The following SLC75A1 variants were observed in gnomAD, a reference collection of about 807,000 sequenced individuals.
SLC75A1 encodes the protein major facilitator superfamily domain containing 10.
chr4:2,933,856 C>T, the SLC75A1 span: 11 of 1,585,484 alleles, frequency 6.9e-6, no homozygotes, highest in Admixed American at 1.8e-4. Context: ...GGTGACCACG[C>T]GGCGCTCCGG....
the SLC75A1 span, chr4:2,931,012 G>A: frequency 6.2e-7 from 1 of 1,611,874 alleles, no homozygotes; most frequent in Non-Finnish European, 8.5e-7. Flanking sequence ...GGGAGGCGAG[G>A]GCAGGTGCTT....
the SLC75A1 span, chr4:2,932,320 T>TA: frequency 6.2e-7 from 1 of 1,602,034 alleles, no homozygotes; most frequent in Non-Finnish European, 8.5e-7. Flanking sequence ...CTCCAGCCCC[T>TA]AGGCCTGTGG....
At chr4:2,931,197 G>C in the SLC75A1 span, 1 of 1,559,252 alleles carries the variant, frequency 6.4e-7, no homozygotes, top group Non-Finnish European at 8.7e-7. Context: ...CTCCCGCTCA[G>C]GTGGCTTCGG....
At chr4:2,934,131 G>C in the SLC75A1 span, 1 of 614,334 alleles carries the variant, frequency 1.6e-6, no homozygotes, top group Non-Finnish European at 2.8e-6. Flanking sequence ...GGAAACGCAG[G>C]CTTCGGGGAT....
the SLC75A1 span, chr4:2,932,012 C>G: frequency 2.1e-5 from 33 of 1,606,574 alleles, no homozygotes; most frequent in Non-Finnish European, 2.6e-5. Context: ...CAGGGGAGAG[C>G]AGGCTCCACG....
the SLC75A1 span, chr4:2,931,249 C>T: frequency 6.4e-7 from 1 of 1,563,766 alleles, no homozygotes; most frequent in South Asian, 1.2e-5. Context: ...CCACGGAGGA[C>T]AGGCAGGGCA....
the SLC75A1 span, chr4:2,932,495 G>A: frequency 2.5e-6 from 4 of 1,613,698 alleles, no homozygotes; most frequent in Non-Finnish European, 3.4e-6. Context: ...CCAGTGAGAA[G>A]GCCACCCCAA....
the SLC75A1 span, chr4:2,932,679 C>A: frequency 3.1e-6 from 5 of 1,610,430 alleles, no homozygotes; most frequent in Non-Finnish European, 4.2e-6. Context: ...TTTGCTGATG[C>A]CCCCAATCAG....
chr4:2,933,331 G>C, the SLC75A1 span: 1 of 1,062,980 alleles, frequency 9.4e-7, no homozygotes, highest in South Asian at 1.5e-5. Context: ...TACACTCACA[G>C]GCCATGGCCC....
At chr4:2,931,862 G>GC in the SLC75A1 span, 1 of 1,610,128 alleles carries the variant, frequency 6.2e-7, no homozygotes. Context: ...AGGAAGCTCA[G>GC]CGTGTACTCC....
chr4:2,934,033 C>CA, the SLC75A1 span: 1 of 1,220,112 alleles, frequency 8.2e-7, no homozygotes. Flanking sequence ...GGCGAGCACC[C>CA]TAAAGGGGCT....
the SLC75A1 span, chr4:2,933,255 C>T: frequency 6.4e-7 from 1 of 1,572,442 alleles, no homozygotes; most frequent in Admixed American, 1.7e-5. Context: ...GCACCATGAG[C>T]TGTGGTCTTG....
the SLC75A1 span, chr4:2,934,243 C>A: frequency 2.9e-6 from 1 of 345,516 alleles, no homozygotes; most frequent in Non-Finnish European, 5.4e-6. Flanking sequence ...CCCACGCCCT[C>A]GTAACAGCGA....
At chr4:2,934,219 C>T in the SLC75A1 span, 7 of 400,008 alleles carry the variant, frequency 1.7e-5, no homozygotes, top group Non-Finnish European at 3.2e-5. Context: ...CCACCCCACC[C>T]CACGGCCGCG....
the SLC75A1 span, chr4:2,931,805 G>A: frequency 3.6e-5 from 57 of 1,577,424 alleles, 1 homozygote; most frequent in Admixed American, 2.2e-4. Context: ...ACAGCAGGCC[G>A]TCGCCAGATG....
At chr4:2,931,951 C>T in the SLC75A1 span, 218 of 1,603,150 alleles carry the variant, frequency 1.4e-4, no homozygotes, top group Admixed American at 2.9e-4. Flanking sequence ...GGAGAGGTGG[C>T]GCGTGCTGAG....
chr4:2,933,225 C>A, the SLC75A1 span: 1 of 1,610,866 alleles, frequency 6.2e-7, no homozygotes, highest in South Asian at 1.1e-5. Context: ...AGACAGATGT[C>A]ACCATCATGG....
chr4:2,932,366 C>G, the SLC75A1 span: 1 of 1,613,172 alleles, frequency 6.2e-7, no homozygotes, highest in Non-Finnish European at 8.5e-7. Flanking sequence ...TCTCCAGGGG[C>G]AGCGTCTCTG....
chr4:2,932,032 G>T, the SLC75A1 span: 1 of 1,610,300 alleles, frequency 6.2e-7, no homozygotes, highest in African/African-American at 1.3e-5. Flanking sequence ...GCTTGGGTTG[G>T]TCGAGTCCTT....
Sources: allele counts gnomAD v4.1 joint callset, GRCh38; gene constraint gnomAD v4.1.1; transcripts MANE v1.5; gene names NCBI Gene and HGNC (gene_info 2026-07-23, HGNC 2026-07-21).